The following SOBP variants were observed in gnomAD, a reference collection of about 807,000 sequenced individuals.
The protein encoded by SOBP is sine oculis-binding protein homolog.
In SOBP, 4 loss-of-function variants were observed where a neutral mutation model predicts 53.6. The observed-to-expected ratio is 0.07, with a 90% CI of 0.04 to 0.17. SOBP has a LOEUF of 0.17. Among genes scored for constraint, SOBP ranks in the 10% least tolerant of loss-of-function variants. The pLI is 1.00. For missense variants in SOBP, 1,088 were observed against 1,204.7 expected (o/e 0.90, Z 1.43); for synonymous variants, 584 against 522.6 (o/e 1.12, Z -1.60).
chr6:107,574,764 CT>C (rs1167930343), intron 4 of SOBP, among the ~76,000 whole-genome samples: 1 of 152,142 alleles, frequency 6.6e-6, no homozygotes, highest in African/African-American at 2.4e-5. Flanking sequence ...ACTGGTGGGC[CT>C]AGGATTTGGG....
intron 2 of SOBP, among the ~76,000 whole-genome samples, chr6:107,505,298 G>A (rs1171484330): frequency 6.6e-6 from 1 of 151,960 alleles, no homozygotes; most frequent in East Asian, 1.9e-4. Context: ...GGAAAAAAAG[G>A]TTAATTGCCT....
At chr6:107,529,395 C>T in intron 3 of SOBP, 1 of 961,086 alleles carries the variant, frequency 1.0e-6, no homozygotes, top group Non-Finnish European at 1.2e-6. Context: ...CCTCAGACTG[C>T]CTTGTAACTT....
At chr6:107,549,299 A>G (rs933372085) in intron 4 of SOBP, among the ~76,000 whole-genome samples, 26 of 152,092 alleles carry the variant, frequency 1.7e-4, no homozygotes, top group Non-Finnish European at 3.5e-4. Flanking sequence ...ACAACAAAAA[A>G]AAACAGATAA....
At chr6:107,525,988 C>T (rs1018667292) in intron 3 of SOBP, among the ~76,000 whole-genome samples, 4 of 152,008 alleles carry the variant, frequency 2.6e-5, no homozygotes, top group African/African-American at 9.7e-5. Context: ...GCTCTTGTTG[C>T]CCGGGCTGGA....
intron 1 of SOBP, among the ~76,000 whole-genome samples, chr6:107,499,865 C>T (rs998597306): frequency 1.2e-4 from 19 of 152,080 alleles, no homozygotes; most frequent in African/African-American, 2.4e-4. Context: ...ATCCTTATCT[C>T]GAAAATCTGT....
chr6:107,593,706 C>T (rs1412015874), intron 5 of SOBP, among the ~76,000 whole-genome samples: 1 of 152,114 alleles, frequency 6.6e-6, no homozygotes, highest in Non-Finnish European at 1.5e-5. Flanking sequence ...ATACCTAGCA[C>T]CTAATAAAAG....
At chr6:107,564,389 G>C (rs1784858773) in intron 4 of SOBP, among the ~76,000 whole-genome samples, 1 of 152,214 alleles carries the variant, frequency 6.6e-6, no homozygotes, top group Non-Finnish European at 1.5e-5. Flanking sequence ...ACTGAGCCCA[G>C]AGCTGCAGCT....
At chr6:107,525,418 T>C (rs1783633174) in intron 3 of SOBP, among the ~76,000 whole-genome samples, 1 of 152,218 alleles carries the variant, frequency 6.6e-6, no homozygotes, top group Non-Finnish European at 1.5e-5. Flanking sequence ...TTTGTGACTT[T>C]ATGAGTCTCT....
intron 1 of SOBP, among the ~76,000 whole-genome samples, chr6:107,500,727 A>G (rs113942546): frequency 0.014 from 2,117 of 151,844 alleles, 40 homozygotes; most frequent in African/African-American, 0.042. Context: ...GGGTTTCACC[A>G]TGTTAGCCAG....
chr6:107,659,855 C>T lies in SOBP; in HGVS notation c.*1652C>T, dbSNP rs1010152542. On this transcript the variant is annotated 3_prime_UTR_variant, in exon 7 of 7. Transcript: ENST00000317357. Reference sequence around the variant, plus strand: ...GAGCTTGGGGGACACACCTGGCGAGCAAGCTCGCTTTTTAAAAATGAAATT... The same window carrying T: ...GAGCTTGGGGGACACACCTGGCGAGTAAGCTCGCTTTTTAAAAATGAAATT... 1 of 132,746 alleles carries T rather than the reference C, an allele frequency of 7.5e-6. No homozygotes were observed. Among genetic ancestry groups the T allele is most frequent in the Non-Finnish European group, 1.6e-5 (1 of 63,176 alleles). 8.2% of individuals were successfully genotyped at this position (132,746 alleles called of 1,614,324 possible).
chr6:107,500,319 G>C (rs1415657028), intron 1 of SOBP, among the ~76,000 whole-genome samples: 1 of 150,516 alleles, frequency 6.6e-6, no homozygotes, highest in Non-Finnish European at 1.5e-5. Context: ...GGTGGAGGTT[G>C]CAGTGAACCA....
intron 4 of SOBP, among the ~76,000 whole-genome samples, chr6:107,559,401 A>G (rs1264969186): frequency 6.6e-6 from 1 of 152,240 alleles, no homozygotes; most frequent in Non-Finnish European, 1.5e-5. Context: ...TCCCTTCAAT[A>G]TACACATCCT....
intron 4 of SOBP, among the ~76,000 whole-genome samples, chr6:107,553,288 C>CTTATTA (rs1425823098): frequency 7.0e-6 from 1 of 143,270 alleles, no homozygotes; most frequent in African/African-American, 2.6e-5. Context: ...CACTCACGGG[C>CTTATTA]TTATTATTAT....
At chr6:107,525,255 A>G (rs918804366) in intron 3 of SOBP, among the ~76,000 whole-genome samples, 1 of 152,224 alleles carries the variant, frequency 6.6e-6, no homozygotes, top group Non-Finnish European at 1.5e-5. Flanking sequence ...GAGGTTGTCA[A>G]AGAAACTTAC....
chr6:107,547,932 A>G (rs1285260678), intron 4 of SOBP, among the ~76,000 whole-genome samples: 1 of 152,210 alleles, frequency 6.6e-6, no homozygotes, highest in Non-Finnish European at 1.5e-5. Context: ...CTGATAAGGC[A>G]TGCTTCAGGG....
chr6:107,506,244 A>G lies in SOBP; in HGVS notation c.238A>G (p.Asn80Asp), dbSNP rs755222162. The change falls in exon 3 of 7, where the codon AAT becomes GAT. Residue 80 changes from asparagine (N) to aspartate (D), a missense_variant and splice_region_variant. Transcript: ENST00000317357. ...SRQHISVLKENSLPKPKLPED... is the reference protein window; with the variant it reads ...SRQHISVLKEDSLPKPKLPED... ...AATATGATTTTTTTCTTTTACAGAA[A>G]ATTCTTTGCCAAAACCAAAATTACC... 1 of 1,613,974 alleles carries G rather than the reference A, an allele frequency of 6.2e-7. No homozygotes were observed. The highest frequency in any genetic ancestry group is 8.5e-7 in the Non-Finnish European group (1 of 1,179,900).
intron 5 of SOBP, among the ~76,000 whole-genome samples, chr6:107,608,137 G>A (rs1310288113): frequency 2.0e-5 from 3 of 152,216 alleles, no homozygotes; most frequent in Non-Finnish European, 2.9e-5. Context: ...AGACAGAGAT[G>A]AAGAAGGTGG....
chr6:107,600,418 G>A (rs1025446379), intron 5 of SOBP, among the ~76,000 whole-genome samples: 4 of 152,128 alleles, frequency 2.6e-5, no homozygotes, highest in South Asian at 4.1e-4. Flanking sequence ...TCGAGTGGTA[G>A]CCCCTGCAAA....
At chr6:107,600,699 T>A (rs1204541524) in intron 5 of SOBP, among the ~76,000 whole-genome samples, 1 of 152,210 alleles carries the variant, frequency 6.6e-6, no homozygotes, top group East Asian at 1.9e-4. Flanking sequence ...AATCATCAGC[T>A]CTTTGGTGTA....
Sources: gnomAD v4.1 joint callset for allele counts (sites outside exome capture counted in the v4.1 genomes callset) on GRCh38, gnomAD v4.1.1 for gene constraint, MANE v1.5 for transcripts, NCBI Gene and HGNC (gene_info 2026-07-23, HGNC 2026-07-21) for gene names.